ALOX15B: variants seen among roughly 807,000 people sequenced by gnomAD.
ALOX15B encodes the protein polyunsaturated fatty acid lipoxygenase ALOX15B.
Under a neutral mutation model 73.8 loss-of-function variants are expected in ALOX15B, and 74 were observed. The ratio of observed to expected loss-of-function variants is 1.00; its 90% CI spans 0.83 to 1.22. The LOEUF (loss-of-function observed/expected upper bound fraction) is 1.22. Ranked by LOEUF, ALOX15B falls within the 50% of genes most tolerant of loss-of-function variation. The probability of loss-of-function intolerance (pLI) is 0.00; values close to 1 mark genes in which losing one functional copy is unlikely to be tolerated. For synonymous variants in ALOX15B, 353 were observed against 357.2 expected (o/e 0.99, Z 0.13); for missense variants, 896 against 859.9 (o/e 1.04, Z -0.52).
At chr17:8,047,464 C>A (rs985168311) in intron 11 of ALOX15B, 85 bp downstream of exon 11, 1 of 1,590,124 alleles carries the variant, frequency 6.3e-7, no homozygotes, top group African/African-American at 1.3e-5. Context: ...TTTGAGTGGC[C>A]CCGTCCCCGT....
rs546703216 is a variant in ALOX15B at position 8,048,924 on chromosome 17, G to A, written c.*359G>A. On this transcript the variant is annotated 3_prime_UTR_variant, in exon 14 of 14. Coordinates refer to ENST00000380183, the MANE Select transcript of ALOX15B (RefSeq NM_001141.3). ...CATAATCCCGCCCCAGGGCCCACTAGCATCCACTGATTGGACCTTATGGTC... is the reference window on the plus strand; with the variant it reads ...CATAATCCCGCCCCAGGGCCCACTAACATCCACTGATTGGACCTTATGGTC... The A allele has an allele frequency of 1.6e-3, 287 of 175,818 alleles. 1 individual carries two copies. Among genetic ancestry groups the A allele is most frequent in the Non-Finnish European group, 2.8e-3 (233 of 83,204 alleles). The allele number at this position is 175,818 out of a possible 1,614,324, so 10.9% of individuals were successfully genotyped here.
At position 8,047,001 on chromosome 17, in the gene ALOX15B, G is replaced by C; in HGVS notation, c.1382G>C (p.Arg461Pro). ...CTCCTGTGTCTGCCTGAGGATATCC[G>C]GACCCGAGGAGTTGAAGACATCCCA... Reference protein sequence around the residue: ...YSLLCLPEDIRTRGVEDIPGY... With the variant: ...YSLLCLPEDIPTRGVEDIPGY... Residue 461 changes from arginine to proline, a missense_variant, in exon 10 of 14, where the codon CGG (arginine) becomes CCG (proline). By Grantham distance (103) the Arg-to-Pro change is moderately radical. Transcript: ENST00000380183. 6.2e-7 allele frequency: 1 copy of C among 1,614,084 alleles called. No individual in the cohort carries two copies. Among genetic ancestry groups the C allele is most frequent in the South Asian group, 1.1e-5 (1 of 91,082 alleles).
Position 8,047,775 on chromosome 17 carries a change from C to G in ALOX15B, c.1711C>G (p.Pro571Ala). 6.2e-7 allele frequency: 1 copy of G among 1,614,150 alleles called. No homozygotes were observed. Among genetic ancestry groups the G allele is most frequent in the Non-Finnish European group, 8.5e-7 (1 of 1,180,018 alleles). Residue 571 changes from proline to alanine, a missense_variant, in exon 13 of 14, where the codon CCA becomes GCA. By Grantham distance (27) the Pro-to-Ala change is conservative. Transcript: ENST00000380183. ...CTCCTGTGCTTGGATGCCCAACCTG[C>G]CACCCAGCATGCAGCTGCCACCACC... ...FDSCAWMPNL[P>A]PSMQLPPPTS...
In ALOX15B at chr17:8,040,599, G is replaced by GAA. The variant is rs1567969515; in HGVS notation, c.449+617_449+618insAA. Among the ~76,000 whole-genome samples, 273 of 113,872 alleles carry GAA rather than the reference G, an allele frequency of 2.4e-3. 2 individuals are homozygous for GAA. Among genetic ancestry groups the GAA allele is most frequent in the African/African-American group, 8.7e-3 (248 of 28,452 alleles). The allele number at this position is 113,872 out of a possible 152,430, so 74.7% of individuals were successfully genotyped here. A position where few individuals can be genotyped will look rare whatever the true frequency, so the allele number is the denominator to read the frequency against. On this transcript the variant is annotated intron_variant, in intron 3 of 13. Transcript: ENST00000380183. The stretch of plus-strand genomic sequence containing the variant: ...AAGGAAGGAAAGAGAGAAAGAAAGA[G>GAA]AGAGAAAGAAAGAAAGAAAGAAAGA...
intron 13 of ALOX15B, 143 bp from the exon 14 acceptor site, chr17:8,048,243 C>T: frequency 5.1e-6 from 5 of 976,478 alleles, no homozygotes; most frequent in Admixed American, 2.8e-5. Flanking sequence ...CAGGCCCCAT[C>T]GAGGGCTACT....
intron 2 of ALOX15B, 39 bp from the exon 3 acceptor site, chr17:8,039,863 T>C (rs1976387402): frequency 1.9e-6 from 3 of 1,565,800 alleles, no homozygotes; most frequent in African/African-American, 2.7e-5. Flanking sequence ...TGATGGTGAG[T>C]TTCTCTCCCC....
Position 8,045,542 on chromosome 17 carries a change from C to G in ALOX15B, c.1056C>G (p.Asp352Glu). The change falls in exon 8 of 14, where the codon GAC (aspartate) becomes GAG (glutamate). Residue 352 changes from aspartate (D) to glutamate (E), a missense_variant. By Grantham distance (45) the Asp-to-Glu change is conservative. Coordinates refer to ENST00000380183, the MANE Select transcript of ALOX15B (RefSeq NM_001141.3). ...PIFLPTDDKW[D>E]WLLAKTWVRN... ...TCCTGCCCACTGATGACAAGTGGGA[C>G]TGGTTGCTGGCCAAGACCTGGGTGC... 1.2e-6 allele frequency: 2 copies of G among 1,614,200 alleles called. No homozygotes were observed. The highest frequency in any genetic ancestry group is 1.7e-6 in the Non-Finnish European group (2 of 1,180,038).
At chr17:8,041,317 A>G (rs1428288842) in intron 3 of ALOX15B, among the ~76,000 whole-genome samples, 1 of 152,228 alleles carries the variant, frequency 6.6e-6, no homozygotes, top group Admixed American at 6.5e-5. Context: ...ACAAATGAGA[A>G]AATGGTTAAG....
In ALOX15B at chr17:8,045,725, C is replaced by T. The variant is rs887687711; in HGVS notation, c.1200+39C>T. 3 of 1,598,662 alleles carry T rather than the reference C, an allele frequency of 1.9e-6. No homozygotes were observed. In the African/African-American group the frequency reaches 4.0e-5, roughly 21 times the overall value. ...CAAGGTGGCCCAGCCTGTGCCCATG[C>T]CTCTGTGCCTCTTCTAAGCAGCCTT... is the stretch of plus-strand genomic sequence containing the variant. On this transcript the variant is annotated intron_variant, in intron 8 of 13. Transcript: ENST00000380183.
chr17:8,039,645 G>A lies in ALOX15B; in HGVS notation c.367+40G>A, dbSNP rs1185384277. ...GGGCTGGGGCTGCAGGGGGAGCACA[G>A]GAAGGGGTAGGGGACTGGGGGTTGG... is the stretch of plus-strand genomic sequence containing the variant. On this transcript the variant is annotated intron_variant, in intron 2 of 13. Transcript: ENST00000380183. 8 of 1,175,282 alleles carry A rather than the reference G, an allele frequency of 6.8e-6. No homozygotes were observed. The East Asian group carries it at 1.8e-4, about 26-fold the overall frequency. The allele number at this position is 1,175,282 out of a possible 1,614,324, so 72.8% of individuals were successfully genotyped here.
chr17:8,045,114 T>C, intron 6 of ALOX15B, 113 bp downstream of exon 6: 1 of 1,585,442 alleles, frequency 6.3e-7, no homozygotes, highest in African/African-American at 1.3e-5. Flanking sequence ...TACCGCGTGC[T>C]GCGTGCCAAG....
At position 8,040,647 on chromosome 17, in the gene ALOX15B, G is replaced by GAAAGAAAGA. The variant is rs1255631976; in HGVS notation, c.449+671_449+672insGAAAAGAAA. ...AGAAAGAAAGAAAGAAAGAAAGAAA[G>GAAAGAAAGA]AAAGAAAAGAAAGAGAAAGAAACTG... On this transcript the variant is annotated intron_variant, in intron 3 of 13. Transcript: ENST00000380183. Among the ~76,000 whole-genome samples, 303 of 122,296 alleles carry GAAAGAAAGA rather than the reference G, an allele frequency of 2.5e-3. 1 individual carries two copies. Among genetic ancestry groups the GAAAGAAAGA allele is most frequent in the African/African-American group, 7.8e-3 (286 of 36,708 alleles). The allele number at this position is 122,296 out of a possible 152,430, so 80.2% of individuals were successfully genotyped here.
intron 6 of ALOX15B, 69 bp from the exon 7 acceptor site, chr17:8,045,169 C>T: frequency 1.9e-6 from 3 of 1,609,368 alleles, no homozygotes; most frequent in African/African-American, 1.3e-5. Context: ...TGAATCCTCT[C>T]CCTTCTACAA....
At chr17:8,042,943 GC>G in intron 5 of ALOX15B, 59 bp downstream of exon 5, 1 of 1,400,698 alleles carries the variant, frequency 7.1e-7, no homozygotes, top group Non-Finnish European at 9.9e-7. Context: ...TCCTGTGGCT[GC>G]CCAGAGTCTC....
rs762651603 is a variant in ALOX15B, at chr17:8,048,355, C to T, written c.1852-31C>T. 46 of 1,591,900 alleles carry T rather than the reference C, an allele frequency of 2.9e-5. No individual in the cohort carries two copies. In the East Asian group the frequency reaches 5.8e-4, roughly 20 times the overall value. Reference sequence around the variant, plus strand: ...GTCTGGGATGCAGGACCTCAGCAGCCGCCTCACCCAACCTTGTGGTGGATC... The same window carrying T: ...GTCTGGGATGCAGGACCTCAGCAGCTGCCTCACCCAACCTTGTGGTGGATC... On this transcript the variant is annotated intron_variant, in intron 13 of 13. Coordinates refer to ENST00000380183, the MANE Select transcript of ALOX15B (RefSeq NM_001141.3).
chr17:8,042,684 A>T (rs1976493913), intron 4 of ALOX15B, 97 bp from the exon 5 acceptor site: 1 of 1,350,278 alleles, frequency 7.4e-7, no homozygotes, highest in East Asian at 2.5e-5. Context: ...TTGGGCCCGG[A>T]GGCTGGTTCA....
rs761037579 is a variant in ALOX15B, at chr17:8,048,538, C to T, written c.2004C>T (p.Pro668=). Reference sequence around the variant, plus strand: ...TGCCCTACACCTACCTAGACCCTCCCCTCATCGAGAACAGCGTCTCCATCT... The same window carrying T: ...TGCCCTACACCTACCTAGACCCTCCTCTCATCGAGAACAGCGTCTCCATCT... The part of the protein sequence containing the change: ...LVLPYTYLDP[P]LIENSVSI The change falls in exon 14 of 14, where the codon CCC becomes CCT. Residue 668 remains proline, a synonymous_variant. Coordinates refer to ENST00000380183, the MANE Select transcript of ALOX15B (RefSeq NM_001141.3). 2 of 1,613,962 alleles carry T rather than the reference C, an allele frequency of 1.2e-6. No homozygotes were observed. Among genetic ancestry groups the T allele is most frequent in the Non-Finnish European group, 1.7e-6 (2 of 1,179,890 alleles).
intron 13 of ALOX15B, 62 bp from the exon 14 acceptor site, chr17:8,048,324 C>T (rs886847957): frequency 2.4e-5 from 37 of 1,550,908 alleles, no homozygotes; most frequent in Admixed American, 5.5e-5. Context: ...ATAGTGGGGA[C>T]CAGGAGTCTG....
In ALOX15B at chr17:8,047,752, C is replaced by G; in HGVS notation, c.1688C>G (p.Ser563Cys). The stretch of plus-strand genomic sequence containing the variant: ...TGCCCTCTCGGCCTTCAGTTTGACT[C>G]CTGTGCTTGGATGCCCAACCTGCCA... Reference protein sequence around the residue: ...HAAVSAGQFDSCAWMPNLPPS... With the variant: ...HAAVSAGQFDCCAWMPNLPPS... The change falls in exon 13 of 14, where the codon TCC (serine) becomes TGC (cysteine). Residue 563 changes from serine to cysteine, a missense_variant. By Grantham distance (112) the Ser-to-Cys change is moderately radical. Transcript: ENST00000380183. 6.2e-7 allele frequency: 1 copy of G among 1,614,186 alleles called. No homozygotes were observed. The highest frequency in any genetic ancestry group is 8.5e-7 in the Non-Finnish European group (1 of 1,180,022).
Sources: allele counts gnomAD v4.1 joint callset (sites outside exome capture counted in the v4.1 genomes callset), GRCh38; gene constraint gnomAD v4.1.1; transcripts MANE v1.5; gene names NCBI Gene and HGNC (gene_info 2026-07-23, HGNC 2026-07-21).